The following GRAMD1B variants were observed in gnomAD, a reference collection of about 807,000 sequenced individuals.
The protein encoded by GRAMD1B is GRAM domain containing 1B.
Under a neutral mutation model 99.7 loss-of-function variants are expected in GRAMD1B, and 37 were observed. The ratio of observed to expected loss-of-function variants is 0.37; its 90% CI spans 0.29 to 0.49. The LOEUF (loss-of-function observed/expected upper bound fraction) is 0.49. Ranked by LOEUF, GRAMD1B falls within the 20% of genes least tolerant of loss-of-function variation. The pLI is 0.98. For synonymous variants in GRAMD1B, 427 were observed against 387.6 expected (o/e 1.10, Z -1.19); for missense variants, 888 against 1,009.2 (o/e 0.88, Z 1.63).
At chr11:123,422,099 G>T (rs1591487323) in intron 1 of GRAMD1B, among the ~76,000 whole-genome samples, 1 of 152,128 alleles carries the variant, frequency 6.6e-6, no homozygotes, top group Non-Finnish European at 1.5e-5. Flanking sequence ...ATGCCATGTA[G>T]TCACTGGTTT....
intron 2 of GRAMD1B, chr11:123,525,717 C>T (rs1329846556): frequency 2.5e-5 from 5 of 198,728 alleles, no homozygotes; most frequent in South Asian, 1.0e-4. Context: ...CTCCCAGGGT[C>T]TCCTTGGCTT....
At chr11:123,465,372 C>T (rs1950611988) in intron 1 of GRAMD1B, among the ~76,000 whole-genome samples, 1 of 152,182 alleles carries the variant, frequency 6.6e-6, no homozygotes, top group Non-Finnish European at 1.5e-5. Context: ...CAACCTAAAA[C>T]ATTCCTTTGT....
intron 2 of GRAMD1B, among the ~76,000 whole-genome samples, chr11:123,489,136 A>G (rs1340916566): frequency 1.3e-5 from 2 of 149,784 alleles, no homozygotes; most frequent in Non-Finnish European, 3.0e-5. Flanking sequence ...AGGGTCCTAG[A>G]AGAGTTAAAA....
At chr11:123,520,485 A>G (rs745621416) in intron 2 of GRAMD1B, among the ~76,000 whole-genome samples, 1 of 152,098 alleles carries the variant, frequency 6.6e-6, no homozygotes, top group Non-Finnish European at 1.5e-5. Context: ...ACAAAATAAT[A>G]TATAGGGGGG....
chr11:123,486,019 T>C (rs1937712135), intron 2 of GRAMD1B, among the ~76,000 whole-genome samples: 2 of 152,284 alleles, frequency 1.3e-5, no homozygotes, highest in Middle Eastern at 3.4e-3. Context: ...CCCAGCCTGA[T>C]TGTGCATTTG....
chr11:123,454,956 T>C (rs1471888960), intron 1 of GRAMD1B: 4 of 152,228 alleles, frequency 2.6e-5, no homozygotes, highest in Admixed American at 2.6e-4. Flanking sequence ...GTGCATGTAA[T>C]TCTTATGTTT....
intron 3 of GRAMD1B, among the ~76,000 whole-genome samples, chr11:123,582,307 G>T (rs572928565): frequency 6.6e-6 from 1 of 152,214 alleles, no homozygotes; most frequent in South Asian, 2.1e-4. Flanking sequence ...CCTCCAGAAG[G>T]GGGTAGCCTT....
chr11:123,443,667 A>T (rs114593599), intron 1 of GRAMD1B, among the ~76,000 whole-genome samples: 1,800 of 151,862 alleles, frequency 0.012, 28 homozygotes, highest in Middle Eastern at 0.054. Flanking sequence ...CAAGAGGTTG[A>T]TCCCCTCCCA....
intron 1 of GRAMD1B, among the ~76,000 whole-genome samples, chr11:123,401,676 G>C (rs1947667379): frequency 1.3e-5 from 2 of 152,196 alleles, no homozygotes; most frequent in African/African-American, 4.8e-5. Flanking sequence ...GGGGAAGGAA[G>C]ACGGAATTGA....
chr11:123,572,004 C>G (rs1176857601), intron 2 of GRAMD1B, among the ~76,000 whole-genome samples: 4 of 152,182 alleles, frequency 2.6e-5, no homozygotes, highest in Non-Finnish European at 5.9e-5. Context: ...GCCTCTAGCT[C>G]TTCCTGACTG....
intron 1 of GRAMD1B, among the ~76,000 whole-genome samples, chr11:123,434,872 T>G (rs568110301): frequency 6.6e-6 from 1 of 152,332 alleles, no homozygotes; most frequent in South Asian, 2.1e-4. Context: ...TATATTTAAG[T>G]TCTATCATCG....
rs1955299719 is a variant in GRAMD1B, at chr11:123,622,937, T to C, written c.*342T>C. 6.5e-6 allele frequency: 1 copy of C among 152,990 alleles called. No individual in the cohort carries two copies. Among genetic ancestry groups the C allele is most frequent in the East Asian group, 1.9e-4 (1 of 5,232 alleles). The allele number at this position is 152,990 out of a possible 1,614,324, so 9.5% of individuals were successfully genotyped here. On this transcript the variant is annotated 3_prime_UTR_variant, in exon 20 of 20. Transcript: ENST00000635736. The stretch of plus-strand genomic sequence containing the variant: ...GAAGGGAAATGTTGAGCCAAAGTTA[T>C]GCCTGCGAAGACCCTAAGGTCTCAA...
At chr11:123,444,632 T>A (rs1346616884) in intron 1 of GRAMD1B, among the ~76,000 whole-genome samples, 3 of 152,028 alleles carry the variant, frequency 2.0e-5, no homozygotes, top group African/African-American at 7.2e-5. Flanking sequence ...TAAAGTGGTG[T>A]CCATTCAGTC....
At chr11:123,583,783 A>C (rs1382521581) in intron 3 of GRAMD1B, among the ~76,000 whole-genome samples, 1 of 152,056 alleles carries the variant, frequency 6.6e-6, no homozygotes, top group African/African-American at 2.4e-5. Context: ...CGACCATTGC[A>C]GTTTAGGTAC....
intron 1 of GRAMD1B, among the ~76,000 whole-genome samples, chr11:123,470,832 C>T (rs1296358605): frequency 5.9e-5 from 9 of 152,026 alleles, no homozygotes; most frequent in Admixed American, 5.9e-4. Context: ...AAACAAGTGG[C>T]CAAGCTAGAA....
chr11:123,516,245 T>C (rs1941660564), intron 2 of GRAMD1B, among the ~76,000 whole-genome samples: 1 of 152,186 alleles, frequency 6.6e-6, no homozygotes, highest in Non-Finnish European at 1.5e-5. Context: ...GGTCACAAAA[T>C]GGATGGAAGC....
At chr11:123,517,644 A>G (rs1591789581) in intron 2 of GRAMD1B, among the ~76,000 whole-genome samples, 3 of 146,632 alleles carry the variant, frequency 2.0e-5, no homozygotes, top group Admixed American at 6.7e-5. Flanking sequence ...AATACACACC[A>G]CCGGGGGTGG....
intron 1 of GRAMD1B, among the ~76,000 whole-genome samples, chr11:123,398,269 G>T (rs1947537567): frequency 6.6e-6 from 1 of 152,204 alleles, no homozygotes. Flanking sequence ...AGGCTGGAAA[G>T]TTAACTTCAA....
Position 123,535,984 on chromosome 11 carries a change from C to T in GRAMD1B, c.453-41383C>T, listed in dbSNP as rs532416587. Reference sequence around the variant, plus strand: ...GTTGTTGCAGTGTGGGGATAAATGGCTGCCCAGAACACAGAATACCCTCCC... The same window carrying T: ...GTTGTTGCAGTGTGGGGATAAATGGTTGCCCAGAACACAGAATACCCTCCC... On this transcript the variant is annotated intron_variant, in intron 2 of 19. Transcript: ENST00000635736. Among the ~76,000 whole-genome samples the T allele has an allele frequency of 8.5e-5, 13 of 152,244 alleles. No homozygotes were observed. The South Asian group carries it at 2.7e-3, about 32-fold the overall frequency.
Sources: allele counts gnomAD v4.1 joint callset (sites outside exome capture counted in the v4.1 genomes callset), GRCh38; gene constraint gnomAD v4.1.1; transcripts MANE v1.5; gene names NCBI Gene and HGNC (gene_info 2026-07-23, HGNC 2026-07-21).